LRMDA: variants seen among roughly 807,000 people sequenced by gnomAD.
LRMDA encodes leucine-rich melanocyte differentiation-associated protein.
A neutral mutation model predicts 29.8 loss-of-function variants in LRMDA; 18 were observed. The observed-to-expected ratio is 0.60, with a 90% CI of 0.42 to 0.90. The LOEUF (loss-of-function observed/expected upper bound fraction) is 0.90, where lower values mean the gene tolerates loss of function less well. Ranked by LOEUF, LRMDA falls within the 40% of genes least tolerant of loss-of-function variation. LRMDA has a pLI of 0.00. For synonymous variants in LRMDA, 125 were observed against 109.4 expected, an observed-to-expected ratio of 1.14 and a Z score of -0.89; for missense variants, 273 against 273.9, an observed-to-expected ratio of 1.00 and a Z score of 0.02.
At chr10:75,659,879 A>G (rs920286067) in intron 2 of LRMDA, among the ~76,000 whole-genome samples, 5 of 152,048 alleles carry the variant, frequency 3.3e-5, no homozygotes, top group Non-Finnish European at 5.9e-5. Context: ...AAAGAGGGAG[A>G]AAACCAAGGC....
intron 4 of LRMDA, among the ~76,000 whole-genome samples, chr10:76,053,143 T>C (rs1240897980): frequency 6.6e-6 from 1 of 152,140 alleles, no homozygotes; most frequent in African/African-American, 2.4e-5. Context: ...ATTACTTACC[T>C]GCAAACCCTA....
chr10:75,619,631 G>A (rs1000611920), intron 2 of LRMDA, among the ~76,000 whole-genome samples: 11 of 152,102 alleles, frequency 7.2e-5, no homozygotes, highest in African/African-American at 1.9e-4. Flanking sequence ...TTCTCTGAAC[G>A]TTTCTTCAGC....
At chr10:75,872,211 A>G (rs985596055) in intron 2 of LRMDA, among the ~76,000 whole-genome samples, 4 of 152,242 alleles carry the variant, frequency 2.6e-5, no homozygotes, top group East Asian at 1.9e-4. Flanking sequence ...TGGTTCCTTA[A>G]TAAATGTTGG....
chr10:76,307,861 T>C (rs1001478848), intron 5 of LRMDA, among the ~76,000 whole-genome samples: 7 of 150,544 alleles, frequency 4.6e-5, no homozygotes, highest in Middle Eastern at 3.4e-3. Flanking sequence ...TGAAACCATA[T>C]ACCTTGAGCT....
intron 6 of LRMDA, among the ~76,000 whole-genome samples, chr10:76,359,381 T>G (rs1248841297): frequency 6.6e-6 from 1 of 152,160 alleles, no homozygotes; most frequent in African/African-American, 2.4e-5. Flanking sequence ...GAGACATTCA[T>G]TAACTTCTAG....
intron 5 of LRMDA, among the ~76,000 whole-genome samples, chr10:76,104,969 C>G (rs958570910): frequency 2.6e-5 from 4 of 152,204 alleles, no homozygotes; most frequent in African/African-American, 4.8e-5. Context: ...TAGCCATTCT[C>G]TCTGCCTGCA....
intron 6 of LRMDA, among the ~76,000 whole-genome samples, chr10:76,505,934 T>C (rs1589218042): frequency 6.6e-6 from 1 of 152,106 alleles, no homozygotes; most frequent in Non-Finnish European, 1.5e-5. Context: ...TCAATTGGCT[T>C]TGTTTCTGGG....
intron 2 of LRMDA, among the ~76,000 whole-genome samples, chr10:75,584,379 T>A (rs1050001195): frequency 1.1e-4 from 17 of 152,200 alleles, no homozygotes; most frequent in Admixed American, 5.9e-4. Flanking sequence ...TCCATGTATG[T>A]GTCTATCATT....
At chr10:75,487,040 G>T (rs1462219048) in intron 2 of LRMDA, among the ~76,000 whole-genome samples, 6 of 152,182 alleles carry the variant, frequency 3.9e-5, no homozygotes, top group Non-Finnish European at 7.3e-5. Context: ...ATATGTACTT[G>T]CTATATGGAG....
chr10:75,687,085 C>T (rs978309203), intron 2 of LRMDA, among the ~76,000 whole-genome samples: 9 of 152,292 alleles, frequency 5.9e-5, no homozygotes, highest in South Asian at 2.1e-4. Flanking sequence ...CCTCCTCATT[C>T]TCTGAGACAA....
intron 5 of LRMDA, among the ~76,000 whole-genome samples, chr10:76,272,228 A>C (rs1440024790): frequency 6.6e-6 from 1 of 152,196 alleles, no homozygotes; most frequent in Non-Finnish European, 1.5e-5. Context: ...TCCTGGGGGA[A>C]GAGGGTTACA....
intron 5 of LRMDA, among the ~76,000 whole-genome samples, chr10:76,115,235 A>G (rs76609023): frequency 0.011 from 1,725 of 152,272 alleles, 28 homozygotes; most frequent in African/African-American, 0.039. Flanking sequence ...ATACTCCTTT[A>G]TTACTTCTTT....
At chr10:76,422,351 A>G (rs558353726) in intron 6 of LRMDA, among the ~76,000 whole-genome samples, 1 of 151,660 alleles carries the variant, frequency 6.6e-6, no homozygotes, top group East Asian at 2.0e-4. Context: ...GATTTTCTAC[A>G]CATATTTAGC....
intron 5 of LRMDA, among the ~76,000 whole-genome samples, chr10:76,062,203 C>T (rs1848712209): frequency 6.6e-6 from 1 of 152,184 alleles, no homozygotes; most frequent in Non-Finnish European, 1.5e-5. Flanking sequence ...CTGTCCTTTC[C>T]AGGGCAGCCA....
chr10:75,745,026 TC>T (rs1842873791), intron 2 of LRMDA, among the ~76,000 whole-genome samples: 1 of 152,178 alleles, frequency 6.6e-6, no homozygotes, highest in South Asian at 2.1e-4. Flanking sequence ...CTCACACTGT[TC>T]CCTTCTCCTG....
Position 75,969,826 on chromosome 10 carries a change from A to G in LRMDA, c.132-66182A>G, listed in dbSNP as rs541967273. On this transcript the variant is annotated intron_variant, in intron 2 of 6. Coordinates refer to ENST00000611255, the MANE Select transcript of LRMDA (RefSeq NM_001305581.2). ...TCCTCAGACCCAATATTTAAATATA[A>G]TGTCTTCCAAAAGTTAGCTTGTACA... is the stretch of plus-strand genomic sequence containing the variant. Among the ~76,000 whole-genome samples the G allele has an allele frequency of 3.3e-5, 5 of 152,290 alleles. No individual in the cohort carries two copies. In the South Asian group the frequency reaches 6.2e-4, roughly 19 times the overall value.
intron 5 of LRMDA, among the ~76,000 whole-genome samples, chr10:76,238,640 T>C (rs1038884402): frequency 4.6e-5 from 7 of 152,186 alleles, no homozygotes; most frequent in Admixed American, 1.3e-4. Context: ...ACGTCCCTAA[T>C]TGGATAAATA....
intron 2 of LRMDA, among the ~76,000 whole-genome samples, chr10:75,724,178 G>A (rs1842603272): frequency 6.6e-6 from 1 of 152,174 alleles, no homozygotes; most frequent in Non-Finnish European, 1.5e-5. Context: ...GAATAATTGT[G>A]ACACTCTACT....
At chr10:76,483,775 A>G (rs1032072822) in intron 6 of LRMDA, among the ~76,000 whole-genome samples, 3 of 150,924 alleles carry the variant, frequency 2.0e-5, no homozygotes, top group Non-Finnish European at 4.4e-5. Context: ...GCATTGCTTT[A>G]TTTTCCATAT....
Sources: gnomAD v4.1 joint callset for allele counts (sites outside exome capture counted in the v4.1 genomes callset) on GRCh38, gnomAD v4.1.1 for gene constraint, MANE v1.5 for transcripts, NCBI Gene and HGNC (gene_info 2026-07-23, HGNC 2026-07-21) for gene names.